The following GPC5 variants were observed in gnomAD, a reference collection of about 807,000 sequenced individuals.
GPC5 encodes the protein glypican 5.
Under a neutral mutation model 53.9 loss-of-function variants are expected in GPC5, and 47 were observed. The ratio of observed to expected loss-of-function variants is 0.87; its 90% CI spans 0.69 to 1.11. The LOEUF is 1.11. GPC5 is among the 50% of genes most tolerant of loss of function. The pLI is 0.00. For missense variants in GPC5, 748 were observed against 713.1 expected (o/e 1.05, Z -0.56); for synonymous variants, 286 against 263.3 (o/e 1.09, Z -0.84).
chr13:91,777,980 G>T (rs1289494227), intron 5 of GPC5, among the ~76,000 whole-genome samples: 2 of 152,072 alleles, frequency 1.3e-5, no homozygotes, highest in Admixed American at 1.3e-4. Context: ...GGTCATCTCT[G>T]CCCCTCACAG....
At chr13:92,474,981 T>G (rs2139426042) in intron 7 of GPC5, among the ~76,000 whole-genome samples, 1 of 152,254 alleles carries the variant, frequency 6.6e-6, no homozygotes, top group African/African-American at 2.4e-5. Context: ...ACCAATTTTC[T>G]TCTGGAGTTT....
In GPC5 at chr13:92,247,722, TG is replaced by T. The variant is rs557467773; in HGVS notation, c.1561+102735del. On this transcript the variant is annotated intron_variant, in intron 7 of 7. Coordinates refer to ENST00000377067, the MANE Select transcript of GPC5 (RefSeq NM_004466.6). ...TGCTCCTAAGCAGAAAATGTCATTT[TG>T]GTTTCATCCTATGTTTAACTACCAT... Among the ~76,000 whole-genome samples, 44 of 152,278 alleles carry T rather than the reference TG, an allele frequency of 2.9e-4. No homozygotes were observed. In the East Asian group the frequency reaches 7.2e-3, roughly 25 times the overall value.
At chr13:92,449,539 T>C (rs548958842) in intron 7 of GPC5, among the ~76,000 whole-genome samples, 1 of 152,324 alleles carries the variant, frequency 6.6e-6, no homozygotes, top group South Asian at 2.1e-4. Flanking sequence ...AGAATAAAAT[T>C]TAAAATCTAC....
intron 7 of GPC5, among the ~76,000 whole-genome samples, chr13:92,160,471 C>G (rs2139005150): frequency 6.6e-6 from 1 of 152,208 alleles, no homozygotes. Flanking sequence ...TTAGCATTTC[C>G]TCCCAAATTC....
rs149590750 is a variant in GPC5, at chr13:92,271,185, C to G, written c.1561+126196C>G. Among the ~76,000 whole-genome samples, 195 of 152,278 alleles carry G rather than the reference C, an allele frequency of 1.3e-3. 1 individual carries two copies. The highest frequency in any genetic ancestry group is 4.3e-3 in the African/African-American group (180 of 41,558). ...TTGTTTCTGAACAATGTCCAAGTAA[C>G]TTTCTATGTAGAGCAATGCCAGGGC... On this transcript the variant is annotated intron_variant, in intron 7 of 7. Transcript: ENST00000377067.
rs546525628 is a variant in GPC5 at position 91,977,689 on chromosome 13, A to G, written c.1401+69632A>G. Among the ~76,000 whole-genome samples the G allele has an allele frequency of 5.3e-5, 8 of 152,336 alleles. No individual in the cohort carries two copies. In the South Asian group the frequency reaches 1.4e-3, roughly 28 times the overall value. On this transcript the variant is annotated intron_variant, in intron 6 of 7. Transcript: ENST00000377067. ...CTTGTTAAAGATACCTCCTTCCCCC[A>G]TAAAAGTGGTCATAGCCAAGAGAAT...
intron 1 of GPC5, 61 bp downstream of exon 1, chr13:91,399,270 A>G: frequency 2.6e-6 from 4 of 1,559,768 alleles, no homozygotes; most frequent in Non-Finnish European, 3.5e-6. Context: ...TCGCTCCCCC[A>G]GGCTCCCTTG....
intron 7 of GPC5, among the ~76,000 whole-genome samples, chr13:92,279,870 G>A (rs1309557425): frequency 6.6e-6 from 1 of 152,034 alleles, no homozygotes; most frequent in Non-Finnish European, 1.5e-5. Flanking sequence ...TTTTTCTGTA[G>A]TTTTCTTATG....
intron 7 of GPC5, among the ~76,000 whole-genome samples, chr13:92,630,686 T>C (rs1032116358): frequency 3.6e-4 from 54 of 152,092 alleles, no homozygotes; most frequent in African/African-American, 1.2e-3. Flanking sequence ...GAACTGAAAG[T>C]ATAATAAAAA....
At chr13:92,661,371 C>T (rs1886336950) in intron 7 of GPC5, among the ~76,000 whole-genome samples, 1 of 151,428 alleles carries the variant, frequency 6.6e-6, no homozygotes, top group Admixed American at 6.6e-5. Flanking sequence ...TCAATTAAGA[C>T]TCAATTGTCA....
rs531549527 is a variant in GPC5 at position 91,665,797 on chromosome 13, G to A, written c.326-27390G>A. Among the ~76,000 whole-genome samples, 8 of 152,250 alleles carry A rather than the reference G, an allele frequency of 5.3e-5. No individual in the cohort carries two copies. The South Asian group carries it at 1.7e-3, about 32-fold the overall frequency. On this transcript the variant is annotated intron_variant, in intron 2 of 7. Transcript: ENST00000377067. ...TGGGATTACAGGCATGAGCCAAGGCGCCTGGCCAAAGACAGTCATTTGAGT... is the reference window on the plus strand; with the variant it reads ...TGGGATTACAGGCATGAGCCAAGGCACCTGGCCAAAGACAGTCATTTGAGT...
chr13:91,422,445 G>A (rs764081212), intron 1 of GPC5, among the ~76,000 whole-genome samples: 25 of 152,114 alleles, frequency 1.6e-4, no homozygotes, highest in Admixed American at 2.6e-4. Context: ...AGACTAGCCT[G>A]GCCAACATGG....
At chr13:91,551,293 G>C (rs1407256578) in intron 2 of GPC5, among the ~76,000 whole-genome samples, 2 of 152,062 alleles carry the variant, frequency 1.3e-5, no homozygotes, top group Non-Finnish European at 2.9e-5. Context: ...ATTGCTCAGA[G>C]ATGAAAATTA....
chr13:92,529,903 A>G (rs1881493719), intron 7 of GPC5, among the ~76,000 whole-genome samples: 1 of 151,740 alleles, frequency 6.6e-6, no homozygotes, highest in Admixed American at 6.6e-5. Context: ...GGCAACATGG[A>G]AGAACCCCGT....
chr13:92,731,448 A>C (rs1408134974), intron 7 of GPC5, among the ~76,000 whole-genome samples: 2 of 151,488 alleles, frequency 1.3e-5, no homozygotes, highest in Non-Finnish European at 3.0e-5. Context: ...ATAAGTAATA[A>C]GCAAATACTT....
intron 6 of GPC5, among the ~76,000 whole-genome samples, chr13:91,997,376 G>A (rs2040513130): frequency 6.6e-6 from 1 of 152,098 alleles, no homozygotes. Flanking sequence ...CAACCCTAAA[G>A]CTTATTTTCC....
chr13:91,855,369 T>A lies in GPC5; in HGVS notation c.1281-52568T>A, dbSNP rs573937572. On this transcript the variant is annotated intron_variant, in intron 5 of 7. Transcript: ENST00000377067. Reference sequence around the variant, plus strand: ...TAAAGTATCTGTAAAATGTATACTTTCCCCCAGCCATTACAACCATGGCAA... The same window carrying A: ...TAAAGTATCTGTAAAATGTATACTTACCCCCAGCCATTACAACCATGGCAA... Among the ~76,000 whole-genome samples, 6 of 151,654 alleles carry A rather than the reference T, an allele frequency of 4.0e-5. No homozygotes were observed. In the South Asian group the frequency reaches 1.0e-3, roughly 26 times the overall value.
chr13:92,838,438 A>C (rs897111678), intron 7 of GPC5, among the ~76,000 whole-genome samples: 1 of 148,728 alleles, frequency 6.7e-6, no homozygotes, highest in Non-Finnish European at 1.5e-5. Context: ...AGTCGAGATC[A>C]CGCCACTGCA....
At chr13:92,659,674 C>T (rs766694066) in intron 7 of GPC5, among the ~76,000 whole-genome samples, 60 of 152,096 alleles carry the variant, frequency 3.9e-4, no homozygotes, top group Admixed American at 1.3e-4. Context: ...ATTTTTGGTG[C>T]AATTACTTCA....
Sources: allele counts gnomAD v4.1 joint callset (sites outside exome capture counted in the v4.1 genomes callset), GRCh38; gene constraint gnomAD v4.1.1; transcripts MANE v1.5; gene names NCBI Gene and HGNC (gene_info 2026-07-23, HGNC 2026-07-21).